Variants in NHLRC3 observed in about 807,000 individuals in gnomAD.
The protein encoded by NHLRC3 is NHL repeat-containing protein 3.
A neutral mutation model predicts 32.0 loss-of-function variants in NHLRC3; 23 were observed. That is an observed-to-expected ratio of 0.72 (90% CI 0.52 to 1.02). NHLRC3 has a LOEUF of 1.02. Ranked by LOEUF, NHLRC3 falls within the 50% of genes least tolerant of loss-of-function variation. The pLI, the probability that NHLRC3 is intolerant of heterozygous loss-of-function variation, is 0.00. For missense variants in NHLRC3, 407 were observed against 406.8 expected (o/e 1.00, Z -0.01); for synonymous variants, 159 against 147.9 (o/e 1.08, Z -0.55).
chr13:39,045,991 G>C (rs1351151933), intron 5 of NHLRC3, among the ~76,000 whole-genome samples: 2 of 152,128 alleles, frequency 1.3e-5, no homozygotes, highest in Non-Finnish European at 2.9e-5. Flanking sequence ...CCCACTCCCA[G>C]TCCATTCTTT....
Position 39,047,925 on chromosome 13 carries a change from A to C in NHLRC3, c.1043A>C (p.Ter348SerextTer32). 1 of 1,592,966 alleles carries C rather than the reference A, an allele frequency of 6.3e-7. No homozygotes were observed. Residue 348 changes from the stop codon to serine, a stop_lost, in exon 7 of 7, where the codon TAA becomes TCA. Coordinates refer to ENST00000379600, the MANE Select transcript of NHLRC3 (RefSeq NM_001012754.4). ...AGCTATGTTCCTTCATTTGGTTCAT[A>C]ATGTTTCTTTCCTGGGAATATTTCA... ...LNSYVPSFGS[*>S] is the part of the protein sequence containing the mutation.
In NHLRC3 at chr13:39,042,292, C is replaced by A; in HGVS notation, c.573C>A (p.Ile191=). 8.9e-6 allele frequency: 14 copies of A among 1,578,646 alleles called. No individual in the cohort carries two copies. The highest frequency in any genetic ancestry group is 1.1e-5 in the Non-Finnish European group (13 of 1,147,990). The part of the protein sequence containing the change: ...DGDGGLNNRL[I]KLSQDFMILW... ...ATGGAGGATTGAATAACAGATTGATCAAACTGTCCCAAGGTACATTACTTG... is the reference window on the plus strand; with the variant it reads ...ATGGAGGATTGAATAACAGATTGATAAAACTGTCCCAAGGTACATTACTTG... The change falls in exon 4 of 7, where the codon ATC becomes ATA. Residue 191 remains isoleucine (I), a synonymous_variant. Transcript: ENST00000379600.
chr13:39,039,139 T>C lies in NHLRC3; in HGVS notation c.88T>C (p.Leu30=). Residue 30 remains leucine, a synonymous_variant, in exon 2 of 7, where the codon TTG becomes CTG. Coordinates refer to ENST00000379600, the MANE Select transcript of NHLRC3 (RefSeq NM_001012754.4). The stretch of plus-strand genomic sequence containing the variant: ...GAATTGTCTGATTTTGTTTAAGGTT[T>C]TGAGGAACTTTACTTTTGCAGTTTC... ...LHSRFCGSPV[L]RNFTFAVSWR... is the part of the protein sequence containing the mutation. 6.2e-7 allele frequency: 1 copy of C among 1,613,832 alleles called. No homozygotes were observed. Among genetic ancestry groups the C allele is most frequent in the Non-Finnish European group, 8.5e-7 (1 of 1,179,850 alleles).
chr13:39,044,233 G>T (rs780941763), intron 5 of NHLRC3, 52 bp downstream of exon 5: 10 of 583,820 alleles, frequency 1.7e-5, no homozygotes, highest in Non-Finnish European at 2.7e-5. Context: ...ATATGTTTGT[G>T]TGTGTGTGTG....
At chr13:39,040,328 G>T (rs1220344882) in intron 3 of NHLRC3, 1 of 152,158 alleles carries the variant, frequency 6.6e-6, no homozygotes. Context: ...GCCAAATAAA[G>T]TGGCAGTCTC....
chr13:39,044,194 C>A lies in NHLRC3; in HGVS notation c.678+13C>A. The A allele has an allele frequency of 1.3e-6, 2 of 1,540,716 alleles. No individual in the cohort carries two copies. The highest frequency in any genetic ancestry group is 1.1e-5 in the South Asian group (1 of 89,576). ...TTCAGCTGGTCGGGTACAAATACAG[C>A]GTCATTGTGTCTGGGACTTTGTGTC... On this transcript the variant is annotated intron_variant, in intron 5 of 6. Coordinates refer to ENST00000379600, the MANE Select transcript of NHLRC3 (RefSeq NM_001012754.4).
intron 5 of NHLRC3, among the ~76,000 whole-genome samples, chr13:39,045,533 CCCTA>C (rs1316247513): frequency 1.4e-3 from 207 of 152,320 alleles, no homozygotes; most frequent in African/African-American, 4.5e-3. Context: ...ATCACCACAA[CCCTA>C]TATGAAAGGT....
chr13:39,049,047 CT>C lies in NHLRC3; in HGVS notation c.*1136del, dbSNP rs11384181. On this transcript the variant is annotated 3_prime_UTR_variant, in exon 7 of 7. Transcript: ENST00000379600. ...TGAATATTGGCTTCCCAATTAAGAC[CT>C]TTTTTTTTTTTTTTCCAGTTTGTTT... The C allele has an allele frequency of 7.4e-3, 1,050 of 142,378 alleles. 5 individuals carry two copies. Among genetic ancestry groups the C allele is most frequent in the Non-Finnish European group, 7.0e-3 (454 of 64,872 alleles). The allele number at this position is 142,378 out of a possible 1,614,324, so 8.8% of individuals were successfully genotyped here.
intron 3 of NHLRC3, chr13:39,040,082 G>T (rs988955508): frequency 7.8e-5 from 12 of 154,522 alleles, no homozygotes; most frequent in Admixed American, 2.6e-4. Context: ...CAGCTACTGG[G>T]GAGGCTGAGG....
chr13:39,045,422 C>G (rs1003338844), intron 5 of NHLRC3, among the ~76,000 whole-genome samples: 1 of 152,206 alleles, frequency 6.6e-6, no homozygotes, highest in Non-Finnish European at 1.5e-5. Context: ...TGGGGGTACT[C>G]TGGCATTCCT....
intron 4 of NHLRC3, 74 bp from the exon 5 acceptor site, chr13:39,044,016 C>T: frequency 9.5e-7 from 1 of 1,055,900 alleles, no homozygotes; most frequent in Non-Finnish European, 1.5e-6. Context: ...TTCTTTGTAA[C>T]CTGTTTCATA....
intron 3 of NHLRC3, 122 bp from the exon 4 acceptor site, chr13:39,041,983 C>T (rs780179324): frequency 5.4e-5 from 33 of 608,022 alleles, no homozygotes; most frequent in Non-Finnish European, 8.4e-5. Context: ...ATGTAATTTC[C>T]TAAGCCTATC....
At chr13:39,043,916 A>G (rs1012335280) in intron 4 of NHLRC3, among the ~76,000 whole-genome samples, 174 bp from the exon 5 acceptor site, 58 of 151,740 alleles carry the variant, frequency 3.8e-4, no homozygotes, top group African/African-American at 1.3e-3. Flanking sequence ...AGGAACTTTA[A>G]AAAAAAAACT....
intron 1 of NHLRC3, 128 bp downstream of exon 1, chr13:39,038,851 G>T: frequency 1.2e-6 from 1 of 825,956 alleles, no homozygotes; most frequent in Non-Finnish European, 2.1e-6. Flanking sequence ...GCCTGCACCT[G>T]GGTCCAAACT....
Position 39,048,008 on chromosome 13 carries a change from A to G in NHLRC3, c.*82A>G, listed in dbSNP as rs1277667782. ...CTTAAAAATGATGTTCAAGCACAAG[A>G]ATTTATTTTTCTAGTATAAAAGATC... On this transcript the variant is annotated 3_prime_UTR_variant, in exon 7 of 7. Transcript: ENST00000379600. The G allele has an allele frequency of 2.6e-6, 3 of 1,159,702 alleles. No homozygotes were observed. Among genetic ancestry groups the G allele is most frequent in the Non-Finnish European group, 3.7e-6 (3 of 818,638 alleles). 71.8% of individuals were successfully genotyped at this position (1,159,702 alleles called of 1,614,324 possible).
chr13:39,045,537 A>G (rs963422325), intron 5 of NHLRC3, among the ~76,000 whole-genome samples: 9 of 151,796 alleles, frequency 5.9e-5, no homozygotes, highest in Non-Finnish European at 8.8e-5. Context: ...CCACAACCCT[A>G]TATGAAAGGT....
Position 39,047,728 on chromosome 13 carries a change from C to T in NHLRC3, c.846C>T (p.Leu282=). ...TGGCCCAGCTGAATCTTAGCAGGCT[C>T]TCAGTCGTAGCAGCACCCCCAGTGG... ...LIVAQLNLSR[L]SVVAAPPVGS... Residue 282 remains leucine, a synonymous_variant, in exon 7 of 7, where the codon CTC becomes CTT. Transcript: ENST00000379600. The T allele has an allele frequency of 6.2e-7, 1 of 1,613,984 alleles. No individual in the cohort carries two copies. Among genetic ancestry groups the T allele is most frequent in the Non-Finnish European group, 8.5e-7 (1 of 1,179,882 alleles).
chr13:39,039,339 C>A, intron 2 of NHLRC3, 51 bp downstream of exon 2: 1 of 1,449,592 alleles, frequency 6.9e-7, no homozygotes, highest in Non-Finnish European at 9.6e-7. Flanking sequence ...AAGTAACAGC[C>A]TTCCTGTCTT....
intron 1 of NHLRC3, 45 bp from the exon 2 acceptor site, chr13:39,039,091 T>A (rs371660321): frequency 1.4e-6 from 2 of 1,465,066 alleles, no homozygotes; most frequent in East Asian, 2.3e-5. Flanking sequence ...TTTTTGTTCT[T>A]ACCTAGACGG....
Sources: allele counts gnomAD v4.1 joint callset (sites outside exome capture counted in the v4.1 genomes callset), GRCh38; gene constraint gnomAD v4.1.1; transcripts MANE v1.5; gene names NCBI Gene and HGNC (gene_info 2026-07-23, HGNC 2026-07-21).